Variants in TLL2 observed in about 807,000 individuals in gnomAD.
The protein encoded by TLL2 is tolloid like 2.
A neutral mutation model predicts 123.0 loss-of-function variants in TLL2; 106 were observed. That is an observed-to-expected ratio of 0.86 (90% CI 0.74 to 1.01). TLL2 has a LOEUF of 1.01. Among genes scored for constraint, TLL2 ranks in the 50% least tolerant of loss-of-function variants. The pLI, the probability that TLL2 is intolerant of heterozygous loss-of-function variation, is 0.00. For synonymous variants in TLL2, 494 were observed against 516.8 expected (o/e 0.96, Z 0.60); for missense variants, 1,332 against 1,336.7 (o/e 1.00, Z 0.06).
In TLL2 at chr10:96,395,311, C is replaced by T; in HGVS notation, c.1602G>A (p.Leu534=). 6.2e-7 allele frequency: 1 copy of T among 1,614,034 alleles called. No homozygotes were observed. Among genetic ancestry groups the T allele is most frequent in the Non-Finnish European group, 8.5e-7 (1 of 1,179,998 alleles). The change falls in exon 13 of 21, where the codon CTG becomes CTA. Residue 534 remains leucine (L), a synonymous_variant. Coordinates refer to ENST00000357947, the MANE Select transcript of TLL2 (RefSeq NM_012465.4). The part of the protein sequence containing the change: ...VRDGPTEESA[L]IGHFCGYEKP... ...TCTCATAGCCACAAAAGTGGCCGATCAGGGCACTCTCTTCCGTGGGGCCAT... is the reference window on the plus strand; with the variant it reads ...TCTCATAGCCACAAAAGTGGCCGATTAGGGCACTCTCTTCCGTGGGGCCAT...
intron 2 of TLL2, among the ~76,000 whole-genome samples, chr10:96,464,342 C>T (rs866625946): frequency 1.3e-5 from 2 of 151,922 alleles, no homozygotes; most frequent in South Asian, 4.2e-4. Context: ...CGAGATTGTG[C>T]CACTGCACTC....
At chr10:96,495,928 G>A (rs1031199117) in intron 1 of TLL2, among the ~76,000 whole-genome samples, 2 of 152,174 alleles carry the variant, frequency 1.3e-5, no homozygotes, top group African/African-American at 2.4e-5. Flanking sequence ...AACAGATTTG[G>A]TGCAAGTTTT....
At chr10:96,376,055 T>G (rs1206647580) in intron 18 of TLL2, among the ~76,000 whole-genome samples, 1 of 152,082 alleles carries the variant, frequency 6.6e-6, no homozygotes, top group African/African-American at 2.4e-5. Flanking sequence ...AGACTTCAAA[T>G]AAAGGCTTGG....
At chr10:96,476,240 A>ATATATATATATATATATATTC in intron 2 of TLL2, among the ~76,000 whole-genome samples, 10 of 20,478 alleles carry the variant, frequency 4.9e-4, no homozygotes, top group Admixed American at 1.0e-3. Flanking sequence ...ATATATATAT[A>ATATATATATATATATATATTC]TTTTATTTTT....
At chr10:96,370,605 G>A (rs956685185) in intron 19 of TLL2, among the ~76,000 whole-genome samples, 9 of 152,224 alleles carry the variant, frequency 5.9e-5, no homozygotes, top group Non-Finnish European at 1.2e-4. Flanking sequence ...TCCGGTTATG[G>A]AGACATGGAG....
chr10:96,414,201 G>A (rs990598698), intron 7 of TLL2, among the ~76,000 whole-genome samples: 2 of 152,110 alleles, frequency 1.3e-5, no homozygotes, highest in Admixed American at 1.3e-4. Context: ...CCCTCTATCT[G>A]GGGCCTCTCC....
intron 9 of TLL2, 106 bp from the exon 10 acceptor site, chr10:96,405,440 C>A: frequency 1.0e-6 from 1 of 987,008 alleles, no homozygotes; most frequent in Non-Finnish European, 1.6e-6. Context: ...GCATGCAGAA[C>A]TTTCAGACCA....
At chr10:96,416,798 C>T (rs973380952) in intron 7 of TLL2, among the ~76,000 whole-genome samples, 4 of 152,214 alleles carry the variant, frequency 2.6e-5, no homozygotes, top group African/African-American at 4.8e-5. Flanking sequence ...ACAGCGGTGA[C>T]GTTCCTTCCC....
rs142855740 is a variant in TLL2 at position 96,410,458 on chromosome 10, C to G, written c.1065G>C (p.Leu355=). 2 of 1,614,040 alleles carry G rather than the reference C, an allele frequency of 1.2e-6. No homozygotes were observed. Among genetic ancestry groups the G allele is most frequent in the Non-Finnish European group, 1.7e-6 (2 of 1,180,002 alleles). The change falls in exon 9 of 21, where the codon CTG becomes CTC. Residue 355 remains leucine (L), a synonymous_variant. Transcript: ENST00000357947. ...CAGAAAAGTTTCCCGTTGTGTCCTG[C>G]AGGGTCTCCCCACACGCTGCACAAG... ...LYKCPACGET[L]QDTTGNFSAP... is the part of the protein sequence containing the mutation.
chr10:96,445,594 C>G (rs1273366663), intron 3 of TLL2, among the ~76,000 whole-genome samples: 1 of 152,176 alleles, frequency 6.6e-6, no homozygotes, highest in Non-Finnish European at 1.5e-5. Flanking sequence ...CCCATTCATT[C>G]TCTCAGACAC....
intron 1 of TLL2, among the ~76,000 whole-genome samples, chr10:96,504,307 T>C (rs1847559379): frequency 6.6e-6 from 1 of 152,160 alleles, no homozygotes; most frequent in Non-Finnish European, 1.5e-5. Flanking sequence ...ATTTAAGTTT[T>C]AGGTCAAAGT....
chr10:96,420,368 C>T (rs1479378108), intron 7 of TLL2, among the ~76,000 whole-genome samples: 1 of 152,218 alleles, frequency 6.6e-6, no homozygotes, highest in African/African-American at 2.4e-5. Flanking sequence ...AGACCCTGCC[C>T]ATGCCAGCCA....
chr10:96,415,739 GTCTCTCTC>G (rs142401265), intron 7 of TLL2, among the ~76,000 whole-genome samples: 1 of 28,062 alleles, frequency 3.6e-5, no homozygotes, highest in Non-Finnish European at 7.5e-5. Flanking sequence ...GTCTCTCTCT[GTCTCTCTC>G]TCTCTCTCTC....
At chr10:96,409,132 C>T (rs1260702704) in intron 9 of TLL2, among the ~76,000 whole-genome samples, 3 of 152,234 alleles carry the variant, frequency 2.0e-5, no homozygotes, top group Non-Finnish European at 4.4e-5. Context: ...AAAATTCCAT[C>T]ACACCCCACT....
At chr10:96,384,053 A>C (rs1846208483) in intron 16 of TLL2, among the ~76,000 whole-genome samples, 1 of 152,240 alleles carries the variant, frequency 6.6e-6, no homozygotes, top group African/African-American at 2.4e-5. Flanking sequence ...CTATTAGTTA[A>C]GAATCTTGAG....
At chr10:96,368,780 C>T (rs1846051929) in intron 20 of TLL2, among the ~76,000 whole-genome samples, 1 of 152,134 alleles carries the variant, frequency 6.6e-6, no homozygotes, top group Non-Finnish European at 1.5e-5. Context: ...AAAGGTTTTG[C>T]CAGGTGGTCT....
intron 1 of TLL2, among the ~76,000 whole-genome samples, chr10:96,507,458 C>T (rs1446139798): frequency 6.6e-6 from 1 of 152,076 alleles, no homozygotes. Context: ...CCTAACTATA[C>T]TAGATGAAAT....
At chr10:96,411,530 T>C (rs1284334629) in intron 8 of TLL2, among the ~76,000 whole-genome samples, 1 of 152,184 alleles carries the variant, frequency 6.6e-6, no homozygotes, top group Non-Finnish European at 1.5e-5. Context: ...ATGTGAAAAG[T>C]ATTTCCCCTA....
intron 1 of TLL2, among the ~76,000 whole-genome samples, chr10:96,501,998 T>A (rs754431508): frequency 3.9e-5 from 6 of 152,146 alleles, no homozygotes; most frequent in Non-Finnish European, 8.8e-5. Flanking sequence ...CAGTTACAGA[T>A]TGTAAAGAGT....
Sources: allele counts gnomAD v4.1 joint callset (sites outside exome capture counted in the v4.1 genomes callset), GRCh38; gene constraint gnomAD v4.1.1; transcripts MANE v1.5; gene names NCBI Gene and HGNC (gene_info 2026-07-23, HGNC 2026-07-21).